Variants in KCNAB1 observed in about 807,000 individuals in gnomAD.
KCNAB1 encodes voltage-gated potassium channel subunit beta-1.
In KCNAB1, 35 loss-of-function variants were observed where a neutral mutation model predicts 64.6. The ratio of observed to expected loss-of-function variants is 0.54; its 90% CI spans 0.41 to 0.72. KCNAB1 has a LOEUF of 0.72. KCNAB1 is among the 30% of genes least tolerant of loss of function. The pLI is 0.00. For missense variants in KCNAB1, 401 were observed against 512.9 expected, an observed-to-expected ratio of 0.78 and a Z score of 2.11; for synonymous variants, 177 against 183.8, an observed-to-expected ratio of 0.96 and a Z score of 0.30.
intron 1 of KCNAB1, among the ~76,000 whole-genome samples, chr3:156,396,694 A>G (rs1012955793): frequency 6.6e-6 from 1 of 152,238 alleles, no homozygotes; most frequent in Non-Finnish European, 1.5e-5. Flanking sequence ...GGTTAGCTTT[A>G]TCTGCCTGGG....
intron 8 of KCNAB1, among the ~76,000 whole-genome samples, chr3:156,490,945 A>G (rs534763737): frequency 6.6e-6 from 1 of 152,296 alleles, no homozygotes; most frequent in East Asian, 1.9e-4. Context: ...TACATTTCAG[A>G]GATTTAATTG....
intron 1 of KCNAB1, among the ~76,000 whole-genome samples, chr3:156,342,664 G>T (rs2108069231): frequency 6.9e-6 from 1 of 144,188 alleles, no homozygotes; most frequent in South Asian, 2.2e-4. Context: ...ACATTGTGCA[G>T]GTTAGTTACA....
rs143816838 is a variant in KCNAB1, at chr3:156,176,629, C to G, written c.275+55743C>G. 16 of 991,688 alleles carry G rather than the reference C, an allele frequency of 1.6e-5. No individual in the cohort carries two copies. The African/African-American group carries it at 2.4e-4, about 15-fold the overall frequency. 61.4% of individuals were successfully genotyped at this position (991,688 alleles called of 1,614,324 possible). A position where few individuals can be genotyped will look rare whatever the true frequency, so the allele number is the denominator to read the frequency against. ...AATTATCACAGTCACCATAGACATT[C>G]CACAACAATATCAGTCGGTCAAATC... On this transcript the variant is annotated intron_variant, in intron 1 of 13. Coordinates refer to ENST00000490337, the MANE Select transcript of KCNAB1 (RefSeq NM_172160.3).
intron 1 of KCNAB1, among the ~76,000 whole-genome samples, chr3:156,307,740 C>A (rs1388946231): frequency 6.6e-6 from 1 of 152,172 alleles, no homozygotes; most frequent in African/African-American, 2.4e-5. Flanking sequence ...AGTTACAGGG[C>A]AGGTCTGTCT....
intron 1 of KCNAB1, among the ~76,000 whole-genome samples, chr3:156,223,001 C>G (rs764847963): frequency 6.6e-6 from 1 of 152,216 alleles, no homozygotes; most frequent in Non-Finnish European, 1.5e-5. Flanking sequence ...ATTAGACAAT[C>G]TGTGTCCGGA....
intron 2 of KCNAB1, among the ~76,000 whole-genome samples, chr3:156,435,839 T>TGGCA (rs141843849): frequency 0.035 from 5,388 of 152,276 alleles, 314 homozygotes; most frequent in African/African-American, 0.12. Context: ...CTATTTTTCA[T>TGGCA]GGCAGCATTG....
chr3:156,514,733 A>G (rs913575611), intron 9 of KCNAB1, among the ~76,000 whole-genome samples: 2 of 152,278 alleles, frequency 1.3e-5, no homozygotes, highest in African/African-American at 2.4e-5. Flanking sequence ...AAAAAACTGT[A>G]TTAACTATAC....
At chr3:156,486,385 G>A (rs1715218236) in intron 8 of KCNAB1, among the ~76,000 whole-genome samples, 1 of 152,138 alleles carries the variant, frequency 6.6e-6, no homozygotes. Context: ...AGTGAGAAGG[G>A]CACGTATGAA....
At chr3:156,379,656 A>T (rs763889921) in intron 1 of KCNAB1, among the ~76,000 whole-genome samples, 40 of 152,190 alleles carry the variant, frequency 2.6e-4, no homozygotes, top group Non-Finnish European at 5.1e-4. Context: ...AGAGCAGGTC[A>T]GGGAGATAGC....
At chr3:156,482,415 C>A (rs1487146976) in intron 8 of KCNAB1, among the ~76,000 whole-genome samples, 1 of 148,780 alleles carries the variant, frequency 6.7e-6, no homozygotes, top group Non-Finnish European at 1.5e-5. Flanking sequence ...GTTGGGGAGA[C>A]AGACAAAAAG....
chr3:156,293,238 T>C (rs1560179019), intron 1 of KCNAB1, among the ~76,000 whole-genome samples: 1 of 152,244 alleles, frequency 6.6e-6, no homozygotes, highest in Non-Finnish European at 1.5e-5. Flanking sequence ...ACTACTGTGC[T>C]TCTAGTTTCT....
At chr3:156,446,510 G>A (rs1013047268) in intron 2 of KCNAB1, among the ~76,000 whole-genome samples, 1 of 152,056 alleles carries the variant, frequency 6.6e-6, no homozygotes, top group African/African-American at 2.4e-5. Context: ...GACTACATTT[G>A]GTCAGTCTTG....
At chr3:156,385,438 G>A (rs1413558433) in intron 1 of KCNAB1, among the ~76,000 whole-genome samples, 8 of 128,222 alleles carry the variant, frequency 6.2e-5, no homozygotes, top group African/African-American at 2.3e-4. Flanking sequence ...CTTGTTGGAT[G>A]GAAGAAAAAA....
chr3:156,334,448 CTT>C (rs1178326880), intron 1 of KCNAB1, among the ~76,000 whole-genome samples: 9 of 142,398 alleles, frequency 6.3e-5, no homozygotes, highest in Non-Finnish European at 1.5e-5. Context: ...GCAGAATGCT[CTT>C]GAGTCATATG....
At chr3:156,283,817 C>G (rs1042095640) in intron 1 of KCNAB1, among the ~76,000 whole-genome samples, 2 of 152,166 alleles carry the variant, frequency 1.3e-5, no homozygotes, top group African/African-American at 4.8e-5. Context: ...TCAGCTCCAT[C>G]AGCTCCTTTA....
intron 1 of KCNAB1, among the ~76,000 whole-genome samples, chr3:156,244,710 C>T (rs566407901): frequency 6.6e-6 from 1 of 152,164 alleles, no homozygotes; most frequent in Non-Finnish European, 1.5e-5. Flanking sequence ...GTCAATATCT[C>T]TATGTATTTC....
intron 1 of KCNAB1, among the ~76,000 whole-genome samples, chr3:156,281,342 T>C (rs1299754420): frequency 6.6e-6 from 1 of 152,066 alleles, no homozygotes; most frequent in African/African-American, 2.4e-5. Context: ...ATAAGCTTTT[T>C]GATGTGCTGC....
rs200824639 is a variant in KCNAB1, at chr3:156,403,892, T to TAAA, written c.276-17713_276-17711dup. Reference sequence around the variant, plus strand: ...CTGGGTGACAGAGAAAGACTCTGCCTAAAAAAAAAAAAACAAAGGGAGGTG... The same window carrying TAAA: ...CTGGGTGACAGAGAAAGACTCTGCCTAAAAAAAAAAAAAAAACAAAGGGAGGTG... On this transcript the variant is annotated intron_variant, in intron 1 of 13. Coordinates refer to ENST00000490337, the MANE Select transcript of KCNAB1 (RefSeq NM_172160.3). Among the ~76,000 whole-genome samples the TAAA allele has an allele frequency of 3.0e-3, 404 of 136,834 alleles. 7 individuals carry two copies. Among genetic ancestry groups the TAAA allele is most frequent in the African/African-American group, 0.011 (395 of 37,022 alleles). 89.8% of individuals were successfully genotyped at this position (136,834 alleles called of 152,430 possible). A position where few individuals can be genotyped will look rare whatever the true frequency, so the allele number is the denominator to read the frequency against.
At chr3:156,280,028 A>G (rs1405904600) in intron 1 of KCNAB1, among the ~76,000 whole-genome samples, 1 of 148,924 alleles carries the variant, frequency 6.7e-6, no homozygotes, top group Non-Finnish European at 1.5e-5. Context: ...TGTTTTAGAC[A>G]TGAAGTCCTT....
Sources: allele counts gnomAD v4.1 joint callset (sites outside exome capture counted in the v4.1 genomes callset), GRCh38; gene constraint gnomAD v4.1.1; transcripts MANE v1.5; gene names NCBI Gene and HGNC (gene_info 2026-07-23, HGNC 2026-07-21).